TENM4: variants seen among roughly 807,000 people sequenced by gnomAD.
The protein encoded by TENM4 is teneurin transmembrane protein 4, also known as teneurin-4.
A neutral mutation model predicts 243.3 loss-of-function variants in TENM4; 82 were observed. The ratio of observed to expected loss-of-function variants is 0.34; its 90% CI spans 0.28 to 0.40. The LOEUF is 0.40. TENM4 is among the 10% of genes least tolerant of loss of function. TENM4 has a pLI of 1.00. For missense variants in TENM4, 3,138 were observed against 3,673.3 expected (o/e 0.85, Z 3.77); for synonymous variants, 1,412 against 1,456.3 (o/e 0.97, Z 0.69).
chr11:78,827,471 C>CTATTTATTTATTTATT (rs55871470), intron 12 of TENM4, among the ~76,000 whole-genome samples: 83 of 146,140 alleles, frequency 5.7e-4, no homozygotes, highest in African/African-American at 1.2e-3. Context: ...CCTTCAAAGC[C>CTATTTATTTATTTATT]TATTTATTTA....
intron 2 of TENM4, among the ~76,000 whole-genome samples, chr11:79,287,189 G>A (rs1056700413): frequency 1.3e-5 from 2 of 152,220 alleles, no homozygotes; most frequent in Non-Finnish European, 2.9e-5. Context: ...GGGATCATGA[G>A]AGTGTTCTCG....
chr11:79,120,884 C>T (rs1470925852), intron 4 of TENM4, among the ~76,000 whole-genome samples: 1 of 152,134 alleles, frequency 6.6e-6, no homozygotes, highest in Non-Finnish European at 1.5e-5. Flanking sequence ...TGTTAACCCC[C>T]ACAGCAAATC....
chr11:78,983,817 G>A (rs1047908191), intron 6 of TENM4, among the ~76,000 whole-genome samples: 8 of 152,226 alleles, frequency 5.3e-5, no homozygotes, highest in African/African-American at 1.9e-4. Flanking sequence ...CAGTGGGGTG[G>A]CAGCTCATGA....
At chr11:78,783,152 T>C (rs1359408176) in intron 16 of TENM4, among the ~76,000 whole-genome samples, 5 of 152,126 alleles carry the variant, frequency 3.3e-5, no homozygotes, top group African/African-American at 1.2e-4. Context: ...TTCAAAGAAA[T>C]AGGAAAAAAA....
At chr11:78,972,348 G>A (rs1857563148) in intron 6 of TENM4, among the ~76,000 whole-genome samples, 1 of 151,978 alleles carries the variant, frequency 6.6e-6, no homozygotes, top group African/African-American at 2.4e-5. Context: ...GCGGGTCCCA[G>A]GCCATTTGTC....
intron 2 of TENM4, among the ~76,000 whole-genome samples, chr11:79,285,266 G>A (rs1050816130): frequency 6.6e-6 from 1 of 151,398 alleles, no homozygotes; most frequent in Non-Finnish European, 1.5e-5. Flanking sequence ...AAAAAAGAGA[G>A]ATGCTGAGTA....
chr11:78,742,831 T>C (rs1284013841), intron 19 of TENM4, among the ~76,000 whole-genome samples: 1 of 151,894 alleles, frequency 6.6e-6, no homozygotes, highest in Non-Finnish European at 1.5e-5. Context: ...ATCAAGCAAA[T>C]AAAAAGCCAA....
intron 6 of TENM4, among the ~76,000 whole-genome samples, chr11:78,935,725 A>T (rs1474914569): frequency 6.6e-6 from 1 of 152,246 alleles, no homozygotes; most frequent in Non-Finnish European, 1.5e-5. Flanking sequence ...AATTATACCA[A>T]GACATGCAGA....
intron 2 of TENM4, among the ~76,000 whole-genome samples, chr11:79,244,444 T>C (rs1855478560): frequency 6.6e-6 from 1 of 151,680 alleles, no homozygotes; most frequent in African/African-American, 2.4e-5. Flanking sequence ...TGTCTATGTG[T>C]GTGTGTGTGT....
intron 23 of TENM4, among the ~76,000 whole-genome samples, chr11:78,724,148 T>C (rs1449663247): frequency 6.6e-6 from 1 of 151,932 alleles, no homozygotes; most frequent in Non-Finnish European, 1.5e-5. Context: ...TAGTGGCATG[T>C]TCTTGACTTA....
chr11:79,422,571 TA>T (rs1490796980), intron 1 of TENM4, among the ~76,000 whole-genome samples: 1 of 152,070 alleles, frequency 6.6e-6, no homozygotes, highest in African/African-American at 2.4e-5. Flanking sequence ...CATGAGTGCC[TA>T]AAAAACAACT....
intron 3 of TENM4, among the ~76,000 whole-genome samples, chr11:79,197,354 A>T (rs78238291): frequency 4.1e-4 from 25 of 60,758 alleles, no homozygotes; most frequent in East Asian, 3.0e-3. Context: ...TTTTTTTTTT[A>T]AAAAGCCCCT....
chr11:78,807,606 A>T (rs1857416091), intron 14 of TENM4, among the ~76,000 whole-genome samples: 1 of 152,156 alleles, frequency 6.6e-6, no homozygotes, highest in South Asian at 2.1e-4. Context: ...TCTACCAAAA[A>T]GTTGTTAGGT....
intron 1 of TENM4, among the ~76,000 whole-genome samples, chr11:79,324,289 A>G (rs1317830336): frequency 6.6e-6 from 1 of 152,062 alleles, no homozygotes; most frequent in Non-Finnish European, 1.5e-5. Flanking sequence ...TGGTGAGATC[A>G]TAGCTCAGTG....
At chr11:79,088,133 A>G (rs1860856877) in intron 4 of TENM4, among the ~76,000 whole-genome samples, 1 of 152,146 alleles carries the variant, frequency 6.6e-6, no homozygotes, top group African/African-American at 2.4e-5. Context: ...TTCTGCTTTT[A>G]TGGGTCTTTA....
intron 19 of TENM4, 64 bp downstream of exon 19, chr11:78,756,741 G>A: frequency 6.8e-7 from 1 of 1,473,874 alleles, no homozygotes; most frequent in South Asian, 1.2e-5. Flanking sequence ...ATCCAAAAGA[G>A]GCTCTAGAGT....
chr11:78,948,380 T>C (rs1185015990), intron 6 of TENM4, among the ~76,000 whole-genome samples: 1 of 151,584 alleles, frequency 6.6e-6, no homozygotes, highest in Non-Finnish European at 1.5e-5. Context: ...CTGTCTTTTT[T>C]TTTTTTTTTT....
chr11:78,899,345 C>T (rs921556925), intron 7 of TENM4, among the ~76,000 whole-genome samples: 1 of 152,054 alleles, frequency 6.6e-6, no homozygotes, highest in Admixed American at 6.5e-5. Context: ...GTAGAACCAG[C>T]ACTTTGGGAG....
intron 1 of TENM4, among the ~76,000 whole-genome samples, chr11:79,333,978 T>C (rs1238850843): frequency 6.6e-6 from 1 of 152,208 alleles, no homozygotes; most frequent in Non-Finnish European, 1.5e-5. Context: ...TGTGGACTAT[T>C]GTCTTTGATC....
Sources: gnomAD v4.1 joint callset for allele counts (sites outside exome capture counted in the v4.1 genomes callset) on GRCh38, gnomAD v4.1.1 for gene constraint, MANE v1.5 for transcripts, NCBI Gene and HGNC (gene_info 2026-07-23, HGNC 2026-07-21) for gene names.